GIGYF2: variants seen among roughly 807,000 people sequenced by gnomAD.
The protein encoded by GIGYF2 is GRB10-interacting GYF protein 2.
In GIGYF2, 25 loss-of-function variants were observed where a neutral mutation model predicts 208.1. The ratio of observed to expected loss-of-function variants is 0.12; its 90% CI spans 0.09 to 0.17. The LOEUF (loss-of-function observed/expected upper bound fraction) is 0.17. GIGYF2 is among the 10% of genes least tolerant of loss of function. The pLI is 1.00. For synonymous variants in GIGYF2, 534 were observed against 543.8 expected (o/e 0.98, Z 0.25); for missense variants, 1,302 against 1,579.4 (o/e 0.82, Z 2.98).
intron 21 of GIGYF2, among the ~76,000 whole-genome samples, chr2:232,822,996 C>T (rs1488951298): frequency 1.3e-5 from 2 of 152,100 alleles, no homozygotes; most frequent in South Asian, 2.1e-4. Flanking sequence ...CATAGGTATC[C>T]ATTATCCAGC....
At chr2:232,721,105 C>T (rs1372110573) in intron 2 of GIGYF2, among the ~76,000 whole-genome samples, 1 of 152,162 alleles carries the variant, frequency 6.6e-6, no homozygotes, top group Non-Finnish European at 1.5e-5. Flanking sequence ...GCCCACATTC[C>T]TTCAGAGGCA....
At chr2:232,778,027 G>C (rs1699585100) in intron 8 of GIGYF2, among the ~76,000 whole-genome samples, 1 of 151,944 alleles carries the variant, frequency 6.6e-6, no homozygotes, top group African/African-American at 2.4e-5. Flanking sequence ...GCTCACTGCA[G>C]CCTCGACCTC....
At chr2:232,754,804 T>C (rs1212710111) in intron 5 of GIGYF2, among the ~76,000 whole-genome samples, 2 of 152,118 alleles carry the variant, frequency 1.3e-5, no homozygotes, top group Admixed American at 6.5e-5. Flanking sequence ...TTGAGTTTGG[T>C]GTCTTTTATT....
rs1325233238 is a variant in GIGYF2, at chr2:232,806,056, T to C, written c.1640-435T>C. On this transcript the variant is annotated intron_variant, in intron 14 of 28. Coordinates refer to ENST00000373563, the MANE Select transcript of GIGYF2 (RefSeq NM_001103146.3). The surrounding 1 kb of genome is among the most constrained non-coding windows in gnomAD (Gnocchi z 4.0). Reference sequence around the variant, plus strand: ...CAAGATCAGAGAGCGAATTATAATTTGTCTTAATTATTGTTTACATTTTGC... The same window carrying C: ...CAAGATCAGAGAGCGAATTATAATTCGTCTTAATTATTGTTTACATTTTGC... Among the ~76,000 whole-genome samples the C allele has an allele frequency of 6.6e-6, 1 of 152,240 alleles. No individual in the cohort carries two copies. The highest frequency in any genetic ancestry group is 1.5e-5 in the Non-Finnish European group (1 of 68,040).
chr2:232,756,444 A>G lies in GIGYF2; in HGVS notation c.379+110A>G, dbSNP rs1270989297. 3 of 597,958 alleles carry G rather than the reference A, an allele frequency of 5.0e-6. No homozygotes were observed. In the African/African-American group the frequency reaches 5.6e-5, roughly 11 times the overall value. 37.0% of individuals were successfully genotyped at this position (597,958 alleles called of 1,614,324 possible). On this transcript the variant is annotated intron_variant, in intron 6 of 28. Coordinates refer to ENST00000373563, the MANE Select transcript of GIGYF2 (RefSeq NM_001103146.3). ...TAATAAAAACTGTTCTTTGACATTA[A>G]CTGCATACTAAATGTCCTGAATATT...
chr2:232,819,346 T>C (rs1418274665), intron 20 of GIGYF2, among the ~76,000 whole-genome samples: 1 of 152,224 alleles, frequency 6.6e-6, no homozygotes. Context: ...GGTGGGACTT[T>C]TGATCTTCAG....
chr2:232,762,238 GTT>G (rs11301320), intron 8 of GIGYF2, among the ~76,000 whole-genome samples: 1 of 129,178 alleles, frequency 7.7e-6, no homozygotes. Context: ...TTTTTTTTTT[GTT>G]TTTTTTTTTG....
chr2:232,839,770 G>T, intron 22 of GIGYF2, 79 bp from the exon 23 acceptor site: 1 of 1,359,970 alleles, frequency 7.4e-7, no homozygotes, highest in African/African-American at 1.4e-5. Context: ...TTTGTTCTGG[G>T]TATACATAAT....
chr2:232,831,807 C>T (rs1428902771), intron 21 of GIGYF2, among the ~76,000 whole-genome samples: 1 of 152,200 alleles, frequency 6.6e-6, no homozygotes, highest in African/African-American at 2.4e-5. Context: ...TGTATCCAGA[C>T]AGGAAATGGC....
chr2:232,767,135 TACTGGTGAATAAAC>T (rs1699001496), intron 8 of GIGYF2: 1 of 152,178 alleles, frequency 6.6e-6, no homozygotes, highest in Admixed American at 6.6e-5. Context: ...TCCAACCTCC[TACTGGTGAATAAAC>T]ACTGATTTTG....
chr2:232,833,682 C>T (rs1362192221), intron 22 of GIGYF2, among the ~76,000 whole-genome samples: 1 of 152,164 alleles, frequency 6.6e-6, no homozygotes, highest in East Asian at 1.9e-4. Context: ...CAGTTCAGCG[C>T]TGCTGAGACA....
At chr2:232,836,263 CATATATATATATATAT>C (rs1156576756) in intron 22 of GIGYF2, among the ~76,000 whole-genome samples, 3 of 38,626 alleles carry the variant, frequency 7.8e-5, no homozygotes, top group South Asian at 1.2e-3. Context: ...CCCATCTCTA[CATATATATATATATAT>C]ATATATATAT....
intron 2 of GIGYF2, among the ~76,000 whole-genome samples, chr2:232,707,084 T>G (rs1177420049): frequency 6.6e-6 from 1 of 152,150 alleles, no homozygotes; most frequent in Non-Finnish European, 1.5e-5. Context: ...ATTTTGGTTT[T>G]GCTAATTTTA....
chr2:232,713,482 T>C (rs1173967824), intron 2 of GIGYF2, among the ~76,000 whole-genome samples: 1 of 152,250 alleles, frequency 6.6e-6, no homozygotes, highest in African/African-American at 2.4e-5. Flanking sequence ...TTCCAGTTAT[T>C]AACATCTTAC....
At chr2:232,753,402 G>T (rs1035278573) in intron 5 of GIGYF2, among the ~76,000 whole-genome samples, 1 of 152,096 alleles carries the variant, frequency 6.6e-6, no homozygotes, top group African/African-American at 2.4e-5. Flanking sequence ...GGGATTACAG[G>T]CATCTGCCAC....
At chr2:232,814,720 C>G (rs569255463) in intron 18 of GIGYF2, among the ~76,000 whole-genome samples, 94 of 152,254 alleles carry the variant, frequency 6.2e-4, no homozygotes, top group Middle Eastern at 3.4e-3. Context: ...TGAAATGCTT[C>G]TGGTCCCAAG....
intron 21 of GIGYF2, among the ~76,000 whole-genome samples, chr2:232,821,939 AT>A (rs34551222): frequency 0.38 from 52,458 of 137,210 alleles, 9,392 homozygotes; most frequent in Admixed American, 0.43. Context: ...TTGTATAAAT[AT>A]TTTTTTTTTT....
intron 2 of GIGYF2, among the ~76,000 whole-genome samples, chr2:232,706,106 G>T (rs1479678729): frequency 6.6e-6 from 1 of 152,142 alleles, no homozygotes; most frequent in Admixed American, 6.5e-5. Flanking sequence ...CTAGATTTTT[G>T]ATGCAAAGGC....
intron 14 of GIGYF2, among the ~76,000 whole-genome samples, chr2:232,802,173 GAA>G (rs1700419105): frequency 6.6e-6 from 1 of 151,396 alleles, no homozygotes; most frequent in Middle Eastern, 3.2e-3. Flanking sequence ...TAGAAAAAAA[GAA>G]TCTAGAATTT....
Sources: gnomAD v4.1 joint callset for allele counts (sites outside exome capture counted in the v4.1 genomes callset) on GRCh38, gnomAD v4.1.1 for gene constraint, Gnocchi (gnomAD v3.1) non-coding constraint, MANE v1.5 for transcripts, NCBI Gene and HGNC (gene_info 2026-07-23, HGNC 2026-07-21) for gene names.